The following ATG10 variants were observed in gnomAD, a reference collection of about 807,000 sequenced individuals.
ATG10 encodes ubiquitin-like-conjugating enzyme ATG10.
A neutral mutation model predicts 32.1 loss-of-function variants in ATG10; 30 were observed. The ratio of observed to expected loss-of-function variants is 0.94; its 90% CI spans 0.70 to 1.27. The LOEUF (loss-of-function observed/expected upper bound fraction) is 1.27. Ranked by LOEUF, ATG10 falls within the 50% of genes most tolerant of loss-of-function variation. ATG10 has a pLI of 0.00. For missense variants in ATG10, 233 were observed against 262.3 expected, an observed-to-expected ratio of 0.89 and a Z score of 0.77; for synonymous variants, 87 against 91.5, an observed-to-expected ratio of 0.95 and a Z score of 0.28.
At position 82,006,710 on chromosome 5, in the gene ATG10, C is replaced by T. The variant is rs374843955; in HGVS notation, c.108+19032C>T. Among the ~76,000 whole-genome samples, 20 of 152,214 alleles carry T rather than the reference C, an allele frequency of 1.3e-4. No individual in the cohort carries two copies. In the East Asian group the frequency reaches 3.5e-3, roughly 26 times the overall value. ...TCTTAACCACTTTAAGTATACAGTA[C>T]GGTAGTGTTAAGTGCATTCATATTG... On this transcript the variant is annotated intron_variant, in intron 2 of 7. Transcript: ENST00000282185.
Position 82,205,315 on chromosome 5 carries a change from G to T in ATG10, c.453+26728G>T, listed in dbSNP as rs112486061. ...ATAAATATTTTTTTTGATGAATTGG[G>T]AGAGGAAGATAGGGTGATTCTTGCA... On this transcript the variant is annotated intron_variant, in intron 5 of 7. Coordinates refer to ENST00000282185, the MANE Select transcript of ATG10 (RefSeq NM_031482.5). 4.3e-3 allele frequency among the ~76,000 whole-genome samples: 659 copies of T among 152,278 alleles called. 1 individual carries two copies. Among genetic ancestry groups the T allele is most frequent in the Middle Eastern group, 0.01 (3 of 294 alleles).
At chr5:82,209,790 C>T (rs1015710905) in intron 5 of ATG10, among the ~76,000 whole-genome samples, 2 of 152,120 alleles carry the variant, frequency 1.3e-5, no homozygotes, top group Non-Finnish European at 2.9e-5. Flanking sequence ...CCCAGTTTCT[C>T]TATCCCCACT....
chr5:82,135,685 T>C (rs1766705366), intron 3 of ATG10, among the ~76,000 whole-genome samples: 1 of 152,228 alleles, frequency 6.6e-6, no homozygotes, highest in South Asian at 2.1e-4. Flanking sequence ...CTGAGAAGAA[T>C]GTATATGCTG....
chr5:81,994,174 T>G (rs543784842), intron 2 of ATG10, among the ~76,000 whole-genome samples: 1 of 152,336 alleles, frequency 6.6e-6, no homozygotes, highest in Admixed American at 6.5e-5. Flanking sequence ...CCATTTTCTA[T>G]ATGATTTTTT....
chr5:82,091,667 T>C (rs1764890837), intron 3 of ATG10, among the ~76,000 whole-genome samples: 1 of 152,204 alleles, frequency 6.6e-6, no homozygotes, highest in African/African-American at 2.4e-5. Context: ...AGGAGACCTG[T>C]ATGTTGACAA....
At chr5:82,035,924 A>G (rs1363264736) in intron 2 of ATG10, among the ~76,000 whole-genome samples, 1 of 151,904 alleles carries the variant, frequency 6.6e-6, no homozygotes, top group Non-Finnish European at 1.5e-5. Context: ...TTAAGTTTTA[A>G]TAAATCTTCC....
chr5:81,998,274 T>A (rs1421336702), intron 2 of ATG10, among the ~76,000 whole-genome samples: 1 of 152,220 alleles, frequency 6.6e-6, no homozygotes, highest in African/African-American at 2.4e-5. Flanking sequence ...AAGAATTTCT[T>A]ATTCAGCCAA....
chr5:81,982,608 C>A (rs892493796), intron 1 of ATG10, among the ~76,000 whole-genome samples: 6 of 151,028 alleles, frequency 4.0e-5, no homozygotes, highest in Non-Finnish European at 7.4e-5. Flanking sequence ...GTGTTTCTCG[C>A]AGAGGGGGAT....
intron 3 of ATG10, among the ~76,000 whole-genome samples, chr5:82,128,959 A>G (rs972269300): frequency 2.0e-5 from 3 of 151,768 alleles, no homozygotes; most frequent in Non-Finnish European, 4.4e-5. Context: ...GTGTTTTCCA[A>G]CTTGGTTCCA....
At chr5:81,993,360 C>CTTTCTTTCTTTTCTT in intron 2 of ATG10, among the ~76,000 whole-genome samples, 1 of 46,772 alleles carries the variant, frequency 2.1e-5, no homozygotes, top group African/African-American at 9.1e-5. Flanking sequence ...TCTTTCTTTC[C>CTTTCTTTCTTTTCTT]TTCTTTTCTT....
chr5:82,033,992 G>T (rs1026162861), intron 2 of ATG10, among the ~76,000 whole-genome samples: 2 of 145,856 alleles, frequency 1.4e-5, no homozygotes, highest in African/African-American at 5.0e-5. Context: ...CATGTATATA[G>T]TATATATGTA....
At chr5:82,237,092 A>G (rs978679756) in intron 5 of ATG10, among the ~76,000 whole-genome samples, 6 of 152,076 alleles carry the variant, frequency 3.9e-5, no homozygotes, top group Non-Finnish European at 8.8e-5. Context: ...TTATTGGATC[A>G]TAAAGGGATT....
intron 5 of ATG10, among the ~76,000 whole-genome samples, chr5:82,193,131 A>G (rs1031013627): frequency 2.0e-5 from 3 of 152,264 alleles, no homozygotes; most frequent in South Asian, 2.1e-4. Context: ...TTCTCCCCCA[A>G]CCGTGCCATT....
At chr5:82,243,630 T>G (rs1746890980) in intron 5 of ATG10, among the ~76,000 whole-genome samples, 1 of 152,136 alleles carries the variant, frequency 6.6e-6, no homozygotes, top group African/African-American at 2.4e-5. Context: ...TCTATGCATT[T>G]AAATATCACA....
intron 2 of ATG10, among the ~76,000 whole-genome samples, chr5:82,042,827 G>A (rs569847459): frequency 6.6e-6 from 1 of 152,294 alleles, no homozygotes; most frequent in Admixed American, 6.5e-5. Context: ...GCTCCCATGG[G>A]TTTGGGCAGC....
At chr5:82,063,724 T>G (rs766184559) in intron 3 of ATG10, among the ~76,000 whole-genome samples, 12 of 152,136 alleles carry the variant, frequency 7.9e-5, no homozygotes, top group Admixed American at 1.3e-4. Context: ...ACTCCTGATC[T>G]GAGGTGATCT....
chr5:82,021,753 A>G (rs1340702047), intron 2 of ATG10, among the ~76,000 whole-genome samples: 6 of 151,118 alleles, frequency 4.0e-5, no homozygotes, highest in African/African-American at 1.5e-4. Context: ...GGCTGGGCAC[A>G]GTGGCTCACG....
At chr5:82,198,705 T>C (rs1188676688) in intron 5 of ATG10, among the ~76,000 whole-genome samples, 4 of 152,268 alleles carry the variant, frequency 2.6e-5, no homozygotes, top group Non-Finnish European at 5.9e-5. Context: ...GCCACTGTTA[T>C]TATTTTAACA....
At chr5:82,161,008 A>G (rs1371535582) in intron 3 of ATG10, among the ~76,000 whole-genome samples, 1 of 152,190 alleles carries the variant, frequency 6.6e-6, no homozygotes. Flanking sequence ...TGAGTAAGAC[A>G]AGAACCTTAG....
Sources: gnomAD v4.1 joint callset for allele counts (sites outside exome capture counted in the v4.1 genomes callset) on GRCh38, gnomAD v4.1.1 for gene constraint, MANE v1.5 for transcripts, NCBI Gene and HGNC (gene_info 2026-07-23, HGNC 2026-07-21) for gene names.